BCKDHB: variants seen among roughly 807,000 people sequenced by gnomAD.
BCKDHB encodes 2-oxoisovalerate dehydrogenase subunit beta, mitochondrial.
Under a neutral mutation model 48.5 loss-of-function variants are expected in BCKDHB, and 41 were observed. That is an observed-to-expected ratio of 0.85 (90% CI 0.66 to 1.10). BCKDHB has a LOEUF of 1.10. Among genes scored for constraint, BCKDHB ranks in the 50% least tolerant of loss-of-function variants. The pLI is 0.00. For synonymous variants in BCKDHB, 201 were observed against 174.8 expected (o/e 1.15, Z -1.18); for missense variants, 496 against 494.2 (o/e 1.00, Z -0.03).
chr6:80,397,517 TTC>T, the BCKDHB span, among the ~76,000 whole-genome samples: 1 of 152,186 alleles, frequency 6.6e-6, no homozygotes. Flanking sequence ...GTCTATTCAT[TTC>T]TGTCACAATT....
At chr6:80,398,851 A>G in the BCKDHB span, among the ~76,000 whole-genome samples, 1 of 152,200 alleles carries the variant, frequency 6.6e-6, no homozygotes, top group Admixed American at 6.6e-5. Flanking sequence ...CTTGAGCAAA[A>G]TACTTCCAAA....
chr6:80,194,847 A>C (rs2127811890), intron 6 of BCKDHB, among the ~76,000 whole-genome samples: 1 of 152,166 alleles, frequency 6.6e-6, no homozygotes, highest in East Asian at 1.9e-4. Flanking sequence ...TATTTGCTGC[A>C]CTTCATTTGA....
intron 6 of BCKDHB, among the ~76,000 whole-genome samples, chr6:80,197,435 T>C (rs548166258): frequency 1.3e-4 from 20 of 152,314 alleles, no homozygotes; most frequent in African/African-American, 4.6e-4. Flanking sequence ...TTGTTTGCTT[T>C]GTTATTCCTT....
At chr6:80,169,100 C>T (rs1476256009) in intron 5 of BCKDHB, 70 bp downstream of exon 5, 4 of 1,546,328 alleles carry the variant, frequency 2.6e-6, no homozygotes, top group Non-Finnish European at 3.6e-6. Flanking sequence ...TATTTAATAT[C>T]TATGCTTATC....
At chr6:80,138,384 C>G (rs1771003483) in intron 3 of BCKDHB, among the ~76,000 whole-genome samples, 1 of 151,968 alleles carries the variant, frequency 6.6e-6, no homozygotes, top group South Asian at 2.1e-4. Flanking sequence ...TGCTGGTACA[C>G]TGCACCCACT....
chr6:80,400,550 T>C, the BCKDHB span, among the ~76,000 whole-genome samples: 1 of 151,948 alleles, frequency 6.6e-6, no homozygotes, highest in Non-Finnish European at 1.5e-5. Flanking sequence ...GAATGGCTAT[T>C]AGTAAAAAGT....
chr6:80,429,156 A>C, the BCKDHB span, among the ~76,000 whole-genome samples: 1 of 152,152 alleles, frequency 6.6e-6, no homozygotes, highest in African/African-American at 2.4e-5. Flanking sequence ...TGTTTGTGTC[A>C]GGTTTGTCAA....
chr6:80,225,748 A>AT (rs1303319368), intron 8 of BCKDHB, among the ~76,000 whole-genome samples: 1 of 151,872 alleles, frequency 6.6e-6, no homozygotes, highest in Non-Finnish European at 1.5e-5. Context: ...TTGTTAACTT[A>AT]TTTTTTTCCC....
chr6:80,460,430 C>T, the BCKDHB span, among the ~76,000 whole-genome samples: 8 of 152,148 alleles, frequency 5.3e-5, no homozygotes, highest in Non-Finnish European at 1.0e-4. Context: ...TAAGGGCACA[C>T]AGCAGGAAAG....
chr6:80,127,887 C>T (rs922817636), intron 2 of BCKDHB, among the ~76,000 whole-genome samples: 4 of 152,114 alleles, frequency 2.6e-5, no homozygotes, highest in African/African-American at 9.7e-5. Context: ...TTAAAACCTG[C>T]TGTGTACTCC....
At chr6:80,156,629 T>C (rs962836969) in intron 3 of BCKDHB, among the ~76,000 whole-genome samples, 7 of 152,184 alleles carry the variant, frequency 4.6e-5, no homozygotes, top group Non-Finnish European at 1.0e-4. Flanking sequence ...TAAATTAGTG[T>C]TCAAGGACTG....
chr6:80,236,905 C>T (rs954258552), intron 8 of BCKDHB, among the ~76,000 whole-genome samples: 5 of 152,052 alleles, frequency 3.3e-5, no homozygotes, highest in African/African-American at 7.2e-5. Context: ...CAACTTTCAA[C>T]GTCAAGTAAA....
intron 3 of BCKDHB, among the ~76,000 whole-genome samples, chr6:80,160,421 G>A (rs779004754): frequency 2.0e-5 from 3 of 152,152 alleles, no homozygotes; most frequent in Non-Finnish European, 4.4e-5. Flanking sequence ...GCCTCTCGAA[G>A]TGCTGGGATT....
At chr6:80,433,360 C>T in the BCKDHB span, among the ~76,000 whole-genome samples, 2 of 152,160 alleles carry the variant, frequency 1.3e-5, no homozygotes, top group Admixed American at 6.5e-5. Context: ...GATGCCCTGC[C>T]CAGAGAGGAG....
chr6:80,387,254 A>G, the BCKDHB span, among the ~76,000 whole-genome samples: 1 of 152,198 alleles, frequency 6.6e-6, no homozygotes, highest in African/African-American at 2.4e-5. Context: ...CATAAATGGC[A>G]TAGACATACT....
the BCKDHB span, among the ~76,000 whole-genome samples, chr6:80,381,920 CCTAAA>C: frequency 6.1e-3 from 7 of 1,146 alleles, no homozygotes; most frequent in Admixed American, 0.31. Context: ...AAACCTAAAA[CCTAAA>C]ACGGTAAACT....
chr6:80,246,358 T>C (rs1031547350), intron 8 of BCKDHB, among the ~76,000 whole-genome samples: 2 of 152,188 alleles, frequency 1.3e-5, no homozygotes, highest in Middle Eastern at 3.2e-3. Context: ...GTTTTGACCT[T>C]TGTCTTCATG....
At chr6:80,201,717 C>T (rs1289945584) in intron 7 of BCKDHB, among the ~76,000 whole-genome samples, 2 of 152,044 alleles carry the variant, frequency 1.3e-5, no homozygotes, top group African/African-American at 4.8e-5. Context: ...TCATTTTCCC[C>T]CCGACTTGCT....
chr6:80,108,308 G>GTT (rs574194102), intron 1 of BCKDHB, among the ~76,000 whole-genome samples: 19 of 131,106 alleles, frequency 1.4e-4, no homozygotes, highest in African/African-American at 3.6e-4. Flanking sequence ...AATAGTAGGT[G>GTT]TTTTTTTTTT....
Sources: allele counts gnomAD v4.1 joint callset (sites outside exome capture counted in the v4.1 genomes callset), GRCh38; gene constraint gnomAD v4.1.1; transcripts MANE v1.5; gene names NCBI Gene and HGNC (gene_info 2026-07-23, HGNC 2026-07-21).